Variants in EGFR observed in about 807,000 individuals in gnomAD.
The protein encoded by EGFR is epidermal growth factor receptor, also known as avian erythroblastic leukemia viral (v-erb-b) oncogene homolog.
A neutral mutation model predicts 143.0 loss-of-function variants in EGFR; 58 were observed. The observed-to-expected ratio is 0.41, with a 90% CI of 0.33 to 0.50. The LOEUF is 0.50. Among genes scored for constraint, EGFR ranks in the 20% least tolerant of loss-of-function variants. EGFR has a pLI of 0.39. For synonymous variants in EGFR, 613 were observed against 594.4 expected (o/e 1.03, Z -0.45); for missense variants, 1,307 against 1,579.0 (o/e 0.83, Z 2.92).
At chr7:55,155,662 C>T (rs1785372634) in intron 7 of EGFR, among the ~76,000 whole-genome samples, 168 bp from the exon 8 acceptor site, 1 of 152,148 alleles carries the variant, frequency 6.6e-6, no homozygotes, top group Non-Finnish European at 1.5e-5. Flanking sequence ...AACTCTTGAA[C>T]GGGATTCCTT....
intron 1 of EGFR, among the ~76,000 whole-genome samples, chr7:55,059,143 C>T (rs1789011972): frequency 1.3e-5 from 2 of 152,206 alleles, no homozygotes; most frequent in South Asian, 2.1e-4. Flanking sequence ...ACAAGACTTC[C>T]AGCCACAGAA....
chr7:55,097,485 A>G (rs1791549205), intron 1 of EGFR, among the ~76,000 whole-genome samples: 2 of 152,352 alleles, frequency 1.3e-5, no homozygotes, highest in Admixed American at 6.5e-5. Flanking sequence ...CCTGGACCAG[A>G]TCTATTGTAA....
chr7:55,163,401 T>C (rs1785801738), intron 13 of EGFR, among the ~76,000 whole-genome samples: 1 of 152,250 alleles, frequency 6.6e-6, no homozygotes, highest in Non-Finnish European at 1.5e-5. Context: ...AGCTTAATTT[T>C]GATAACCATG....
At chr7:55,081,508 G>A (rs532248280) in intron 1 of EGFR, among the ~76,000 whole-genome samples, 1 of 152,302 alleles carries the variant, frequency 6.6e-6, no homozygotes, top group Non-Finnish European at 1.5e-5. Context: ...AGATGCCTGA[G>A]CTGACCTGTC....
At position 55,150,327 on chromosome 7, in the gene EGFR, C is replaced by T. The variant is rs535794471; in HGVS notation, c.560-967C>T. On this transcript the variant is annotated intron_variant, in intron 4 of 27. Coordinates refer to ENST00000275493, the MANE Select transcript of EGFR (RefSeq NM_005228.5). ...AGTCTCTCTGCCTACCTCCTCACAACGTCCATCCCCCGCGGTCACTGTCGT... is the reference window on the plus strand; with the variant it reads ...AGTCTCTCTGCCTACCTCCTCACAATGTCCATCCCCCGCGGTCACTGTCGT... Among the ~76,000 whole-genome samples, 4 of 152,326 alleles carry T rather than the reference C, an allele frequency of 2.6e-5. No individual in the cohort carries two copies. In the South Asian group the frequency reaches 6.2e-4, roughly 24 times the overall value.
At chr7:55,064,379 G>A (rs1165865966) in intron 1 of EGFR, among the ~76,000 whole-genome samples, 1 of 152,204 alleles carries the variant, frequency 6.6e-6, no homozygotes, top group Non-Finnish European at 1.5e-5. Flanking sequence ...AGAATTGGCT[G>A]TTGTTCTCAG....
chr7:55,181,682 C>G, intron 20 of EGFR: 1 of 649,114 alleles, frequency 1.5e-6, no homozygotes, highest in Non-Finnish European at 2.7e-6. Context: ...TGTGGAAACT[C>G]TCATCAATCA....
intron 24 of EGFR, chr7:55,200,655 T>C (rs2128970530): frequency 1.7e-6 from 1 of 582,194 alleles, no homozygotes; most frequent in South Asian, 1.9e-5. Context: ...CTGGTGCTCG[T>C]CCTCACTGTC....
Position 55,205,658 on chromosome 7 carries a change from C to A in EGFR, c.*41C>A, listed in dbSNP as rs183176784. On this transcript the variant is annotated 3_prime_UTR_variant, in exon 28 of 28. Transcript: ENST00000275493. ...TGAGCCCTAAAAATCCAGACTCTTT[C>A]GATACCCAGGACCAAGCCACAGCAG... 1.2e-6 allele frequency: 2 copies of A among 1,613,818 alleles called. No homozygotes were observed. Among genetic ancestry groups the A allele is most frequent in the Admixed American group, 1.7e-5 (1 of 60,022 alleles).
intron 24 of EGFR, chr7:55,200,633 C>T: frequency 3.2e-6 from 2 of 618,450 alleles, no homozygotes; most frequent in Non-Finnish European, 5.9e-6. Context: ...CCCTCCCCGT[C>T]TGAACTCTCC....
intron 19 of EGFR, 44 bp from the exon 20 acceptor site, chr7:55,181,249 G>A (rs2128958106): frequency 3.1e-6 from 5 of 1,610,848 alleles, no homozygotes; most frequent in Non-Finnish European, 4.2e-6. Context: ...CCTCCTTCTG[G>A]CCACCATGCG....
chr7:55,156,408 A>C, intron 8 of EGFR, 125 bp from the exon 9 acceptor site: 2 of 1,357,114 alleles, frequency 1.5e-6, no homozygotes, highest in Admixed American at 3.4e-5. Context: ...GAGTGAATGA[A>C]GGATGATGTG....
chr7:55,179,199 T>A (rs904718840), intron 19 of EGFR, among the ~76,000 whole-genome samples: 2 of 152,200 alleles, frequency 1.3e-5, no homozygotes, highest in African/African-American at 4.8e-5. Flanking sequence ...CACACAAATA[T>A]TTAAGTACAG....
chr7:55,172,061 G>A (rs1786376632), intron 16 of EGFR, among the ~76,000 whole-genome samples: 1 of 152,156 alleles, frequency 6.6e-6, no homozygotes, highest in African/African-American at 2.4e-5. Flanking sequence ...CATCTCTTCA[G>A]TGAGCTGCTA....
At position 55,205,378 on chromosome 7, in the gene EGFR, G is replaced by A. The variant is rs2128975285; in HGVS notation, c.3394G>A (p.Ala1132Thr). Residue 1132 changes from alanine (A) to threonine (T), a missense_variant, in exon 28 of 28, where the codon GCA becomes ACA. Physicochemically the swap from Ala to Thr is moderately conservative, Grantham distance 58 (BLOSUM62 0). Coordinates refer to ENST00000275493, the MANE Select transcript of EGFR (RefSeq NM_005228.5). Reference protein sequence around the residue: ...DPHYQDPHSTAVGNPEYLNTV... With the variant: ...DPHYQDPHSTTVGNPEYLNTV... The stretch of plus-strand genomic sequence containing the variant: ...ACACTACCAGGACCCCCACAGCACT[G>A]CAGTGGGCAACCCCGAGTATCTCAA... 1 of 1,614,042 alleles carries A rather than the reference G, an allele frequency of 6.2e-7. No individual in the cohort carries two copies. The highest frequency in any genetic ancestry group is 8.5e-7 in the Non-Finnish European group (1 of 1,179,968).
intron 1 of EGFR, among the ~76,000 whole-genome samples, chr7:55,083,217 C>T (rs934358144): frequency 6.6e-6 from 1 of 152,246 alleles, no homozygotes; most frequent in Non-Finnish European, 1.5e-5. Flanking sequence ...TTTATGCACT[C>T]GTTCTTGGAG....
intron 15 of EGFR, chr7:55,170,797 T>C (rs1786310106): frequency 1.4e-6 from 2 of 1,425,588 alleles, no homozygotes; most frequent in Admixed American, 2.8e-5. Context: ...TCTCCGTAAT[T>C]AGCATGGCCC....
At chr7:55,173,207 GT>G in intron 17 of EGFR, 83 bp downstream of exon 17, 1 of 1,564,000 alleles carries the variant, frequency 6.4e-7, no homozygotes, top group Non-Finnish European at 8.7e-7. Context: ...GCCATTAGCA[GT>G]TGTGTATGTT....
At chr7:55,136,536 G>A (rs553869171) in intron 1 of EGFR, among the ~76,000 whole-genome samples, 1 of 152,010 alleles carries the variant, frequency 6.6e-6, no homozygotes, top group South Asian at 2.1e-4. Context: ...CATACCAGTA[G>A]GTCCAATAAG....
Sources: gnomAD v4.1 joint callset for allele counts (sites outside exome capture counted in the v4.1 genomes callset) on GRCh38, gnomAD v4.1.1 for gene constraint, MANE v1.5 for transcripts, NCBI Gene and HGNC (gene_info 2026-07-23, HGNC 2026-07-21) for gene names.